The following CLCA2 variants were observed in gnomAD, a reference collection of about 807,000 sequenced individuals.
CLCA2 encodes the protein chloride channel accessory 2.
CLCA2 carries 85 observed loss-of-function variants against 82.9 expected under a neutral mutation model. The ratio of observed to expected loss-of-function variants is 1.03; its 90% CI spans 0.86 to 1.23. The LOEUF is 1.23. CLCA2 is among the 50% of genes most tolerant of loss of function. The probability of loss-of-function intolerance (pLI) is 0.00; values close to 1 mark genes in which losing one functional copy is unlikely to be tolerated. For synonymous variants in CLCA2, 421 were observed against 391.7 expected (o/e 1.07, Z -0.88); for missense variants, 1,089 against 1,124.8 (o/e 0.97, Z 0.45).
chr1:86,447,741 A>G lies in CLCA2; in HGVS notation c.1947A>G (p.Gly649=). ...CTGCCACAGTTGAGCCAGAGACTGG[A>G]GATCCTGTTACGCTGAGACTCCTTG... The part of the protein sequence containing the change: ...TVTATVEPET[G]DPVTLRLLDD... Residue 649 remains glycine, a synonymous_variant, in exon 11 of 14, where the codon GGA becomes GGG. Coordinates refer to ENST00000370565, the MANE Select transcript of CLCA2 (RefSeq NM_006536.7). 1 of 1,613,824 alleles carries G rather than the reference A, an allele frequency of 6.2e-7. No individual in the cohort carries two copies. The highest frequency in any genetic ancestry group is 8.5e-7 in the Non-Finnish European group (1 of 1,179,994).
At chr1:86,454,316 G>A (rs997142198) in intron 13 of CLCA2, among the ~76,000 whole-genome samples, 1 of 152,042 alleles carries the variant, frequency 6.6e-6, no homozygotes, top group Non-Finnish European at 1.5e-5. Flanking sequence ...GTCTATTCAT[G>A]CATCAGTAAG....
At chr1:86,442,672 T>A (rs935806700) in intron 9 of CLCA2, among the ~76,000 whole-genome samples, 1 of 150,440 alleles carries the variant, frequency 6.6e-6, no homozygotes, top group Non-Finnish European at 1.5e-5. Context: ...CTTTGCAGAT[T>A]TGAGCAATTA....
At chr1:86,451,689 C>G (rs1662970859) in intron 12 of CLCA2, among the ~76,000 whole-genome samples, 1 of 152,128 alleles carries the variant, frequency 6.6e-6, no homozygotes, top group African/African-American at 2.4e-5. Context: ...CCATCTGGAG[C>G]CACATTGCCT....
intron 2 of CLCA2, 118 bp downstream of exon 2, chr1:86,425,594 C>T (rs1662372844): frequency 1.4e-6 from 1 of 734,810 alleles, no homozygotes; most frequent in Non-Finnish European, 1.9e-6. Flanking sequence ...ATTAACAATG[C>T]AAATAATATT....
At chr1:86,451,355 A>G (rs76560428) in intron 12 of CLCA2, among the ~76,000 whole-genome samples, 1,948 of 152,324 alleles carry the variant, frequency 0.013, 37 homozygotes, top group African/African-American at 0.044. Context: ...AACAATCTCA[A>G]AAAAGACTTC....
At chr1:86,439,260 C>A (rs1034217559) in intron 7 of CLCA2, among the ~76,000 whole-genome samples, 154 bp downstream of exon 7, 2 of 152,204 alleles carry the variant, frequency 1.3e-5, no homozygotes. Flanking sequence ...AAGTCAGGAA[C>A]CATGCCTTAT....
intron 4 of CLCA2, 21 bp downstream of exon 4, chr1:86,430,991 T>C: frequency 6.7e-7 from 1 of 1,495,880 alleles, no homozygotes; most frequent in East Asian, 2.3e-5. Flanking sequence ...TTTTTCATGT[T>C]ATAATTCATT....
intron 9 of CLCA2, among the ~76,000 whole-genome samples, chr1:86,442,030 C>T (rs1457062096): frequency 2.0e-5 from 3 of 152,184 alleles, no homozygotes; most frequent in Non-Finnish European, 4.4e-5. Flanking sequence ...ACCAAAGCTT[C>T]CTCTAGTTAA....
rs776512192 is a variant in CLCA2, at chr1:86,444,054, GTTTATGAT to G, written c.1713+47_1713+54del. ...GTTCCTAAGGACAACGTTCAACCAA[GTTTATGAT>G]TTTCAGCTGAATCACATGATTAAAT... On this transcript the variant is annotated intron_variant, in intron 10 of 13. Transcript: ENST00000370565. The G allele has an allele frequency of 1.4e-5, 18 of 1,301,938 alleles. 1 individual carries two copies. In the Admixed American group the frequency reaches 3.2e-4, roughly 23 times the overall value. The allele number at this position is 1,301,938 out of a possible 1,614,324, so 80.6% of individuals were successfully genotyped here. A position where few individuals can be genotyped will look rare whatever the true frequency, so the allele number is the denominator to read the frequency against.
intron 10 of CLCA2, chr1:86,445,356 CTTTTTTTTTTTT>C (rs1190239314): frequency 2.2e-5 from 2 of 88,946 alleles, no homozygotes; most frequent in Non-Finnish European, 4.2e-5. Context: ...AAGTGTTAAC[CTTTTTTTTTTTT>C]TTTTTTTTTT....
chr1:86,444,108 T>C, intron 10 of CLCA2, 97 bp downstream of exon 10: 4 of 792,686 alleles, frequency 5.0e-6, no homozygotes, highest in Non-Finnish European at 8.2e-6. Flanking sequence ...AAGAAAATCT[T>C]GTTTTAATAT....
At chr1:86,434,425 A>C (rs1201638837) in intron 5 of CLCA2, 93 bp from the exon 6 acceptor site, 22 of 982,560 alleles carry the variant, frequency 2.2e-5, no homozygotes, top group Non-Finnish European at 3.1e-5. Context: ...CTTTCAGTTC[A>C]CCTTTTCTTT....
At chr1:86,453,689 C>G in intron 13 of CLCA2, 87 bp downstream of exon 13, 1 of 1,170,090 alleles carries the variant, frequency 8.5e-7, no homozygotes, top group Non-Finnish European at 1.2e-6. Context: ...GAAAAAGGTA[C>G]AGAGGATTGT....
chr1:86,428,377 C>G, intron 2 of CLCA2, 41 bp from the exon 3 acceptor site: 1 of 1,545,174 alleles, frequency 6.5e-7, no homozygotes. Context: ...TCACCAACAA[C>G]AGAGCTGAGA....
At chr1:86,442,609 G>T (rs1662757912) in intron 9 of CLCA2, among the ~76,000 whole-genome samples, 1 of 152,114 alleles carries the variant, frequency 6.6e-6, no homozygotes, top group Non-Finnish European at 1.5e-5. Flanking sequence ...AAATTCATTT[G>T]AACAAACAAT....
chr1:86,429,337 C>T (rs886960060), intron 3 of CLCA2, among the ~76,000 whole-genome samples: 9 of 152,100 alleles, frequency 5.9e-5, no homozygotes, highest in East Asian at 3.8e-4. Context: ...ATGAGAAATA[C>T]TCCAGAGATA....
chr1:86,449,027 G>A (rs917359300), intron 11 of CLCA2, among the ~76,000 whole-genome samples: 7 of 152,212 alleles, frequency 4.6e-5, no homozygotes, highest in Admixed American at 3.3e-4. Flanking sequence ...ATATCTAAAT[G>A]TATGCACTAA....
chr1:86,453,709 C>T (rs1326020173), intron 13 of CLCA2, 107 bp downstream of exon 13: 1 of 951,848 alleles, frequency 1.1e-6, no homozygotes, highest in Non-Finnish European at 1.5e-6. Flanking sequence ...TTGTGAAAAG[C>T]TCTGAGTTGC....
intron 9 of CLCA2, among the ~76,000 whole-genome samples, chr1:86,442,636 G>A (rs879861611): frequency 6.6e-6 from 1 of 152,186 alleles, no homozygotes; most frequent in Admixed American, 6.5e-5. Flanking sequence ...TGTCTTTGCT[G>A]TTATCCACCA....
Sources: gnomAD v4.1 joint callset for allele counts (sites outside exome capture counted in the v4.1 genomes callset) on GRCh38, gnomAD v4.1.1 for gene constraint, MANE v1.5 for transcripts, NCBI Gene and HGNC (gene_info 2026-07-23, HGNC 2026-07-21) for gene names.